TOX: variants seen among roughly 807,000 people sequenced by gnomAD.
TOX encodes thymocyte selection associated high mobility group box, also known as thymocyte selection-associated high mobility group box protein TOX.
Under a neutral mutation model 53.7 loss-of-function variants are expected in TOX, and 11 were observed. The observed-to-expected ratio is 0.20, with a 90% CI of 0.13 to 0.34. TOX has a LOEUF of 0.34. TOX is among the 10% of genes least tolerant of loss of function. TOX has a pLI of 1.00. For synonymous variants in TOX, 225 were observed against 245.3 expected (o/e 0.92, Z 0.77); for missense variants, 570 against 664.6 (o/e 0.86, Z 1.56).
At chr8:59,081,791 T>G (rs911944509) in intron 1 of TOX, among the ~76,000 whole-genome samples, 4 of 152,110 alleles carry the variant, frequency 2.6e-5, no homozygotes, top group Non-Finnish European at 5.9e-5. Flanking sequence ...GAATAACAGG[T>G]AACTCCATCC....
intron 2 of TOX, 147 bp downstream of exon 2, chr8:58,959,796 C>CTG (rs1479376223): frequency 1.1e-6 from 1 of 919,386 alleles, no homozygotes; most frequent in East Asian, 2.6e-5. Context: ...ATCTCATTAA[C>CTG]TGGAAACAAG....
intron 3 of TOX, among the ~76,000 whole-genome samples, chr8:58,863,385 C>T (rs187558838): frequency 1.0e-3 from 153 of 152,226 alleles, no homozygotes; most frequent in Admixed American, 1.4e-3. Flanking sequence ...ATACTAAGCA[C>T]GGTACTAAGA....
chr8:58,867,731 A>C (rs1371890941), intron 3 of TOX, among the ~76,000 whole-genome samples: 2 of 152,066 alleles, frequency 1.3e-5, no homozygotes, highest in Admixed American at 6.6e-5. Context: ...GTGTGAACCC[A>C]AGTTTGAGCA....
At chr8:59,090,886 T>G (rs993525624) in intron 1 of TOX, among the ~76,000 whole-genome samples, 3 of 152,164 alleles carry the variant, frequency 2.0e-5, no homozygotes, top group Non-Finnish European at 2.9e-5. Flanking sequence ...CTTACTTGCT[T>G]CCTGCCAGTT....
chr8:59,038,040 T>A (rs968706553), intron 1 of TOX, among the ~76,000 whole-genome samples: 1 of 152,126 alleles, frequency 6.6e-6, no homozygotes, highest in Non-Finnish European at 1.5e-5. Context: ...ATGCCAGACT[T>A]CCCTGTGGAA....
chr8:59,005,296 C>CCA (rs1171537331), intron 1 of TOX, among the ~76,000 whole-genome samples: 1 of 152,082 alleles, frequency 6.6e-6, no homozygotes, highest in Non-Finnish European at 1.5e-5. Context: ...CCTCGGCCTC[C>CCA]CAAAGTGCTG....
At chr8:58,840,525 T>C (rs1235799519) in intron 4 of TOX, among the ~76,000 whole-genome samples, 1 of 152,150 alleles carries the variant, frequency 6.6e-6, no homozygotes, top group African/African-American at 2.4e-5. Context: ...CTGGTCAGCT[T>C]TTAATACCCT....
chr8:58,818,582 T>TA (rs1810219961), intron 6 of TOX, among the ~76,000 whole-genome samples: 1 of 152,138 alleles, frequency 6.6e-6, no homozygotes, highest in African/African-American at 2.4e-5. Flanking sequence ...GCAAAATACA[T>TA]AAAAACACAA....
chr8:58,834,840 C>T (rs1426355747), intron 5 of TOX, among the ~76,000 whole-genome samples: 3 of 152,168 alleles, frequency 2.0e-5, no homozygotes, highest in Admixed American at 1.3e-4. Flanking sequence ...GCATAATCTG[C>T]AGCCTCACTC....
intron 1 of TOX, among the ~76,000 whole-genome samples, chr8:59,111,149 T>C (rs536871392): frequency 6.6e-6 from 1 of 151,960 alleles, no homozygotes; most frequent in East Asian, 1.9e-4. Flanking sequence ...GGAAACAGAG[T>C]GGGAGGGAAT....
intron 3 of TOX, among the ~76,000 whole-genome samples, chr8:58,879,158 A>G (rs1173394084): frequency 6.6e-6 from 1 of 152,098 alleles, no homozygotes; most frequent in East Asian, 1.9e-4. Flanking sequence ...TTCCATTAAG[A>G]CCTACATTCA....
intron 4 of TOX, among the ~76,000 whole-genome samples, chr8:58,839,036 G>A (rs1810598400): frequency 6.6e-6 from 1 of 152,052 alleles, no homozygotes; most frequent in Non-Finnish European, 1.5e-5. Flanking sequence ...AAAACCTCGG[G>A]GGCAGCATGC....
At chr8:58,850,722 C>A (rs927974250) in intron 4 of TOX, among the ~76,000 whole-genome samples, 1 of 152,184 alleles carries the variant, frequency 6.6e-6, no homozygotes, top group East Asian at 1.9e-4. Context: ...AAAATATAGT[C>A]AATGCAGCAA....
At chr8:59,045,034 C>A (rs1020679968) in intron 1 of TOX, among the ~76,000 whole-genome samples, 1 of 152,238 alleles carries the variant, frequency 6.6e-6, no homozygotes, top group African/African-American at 2.4e-5. Flanking sequence ...TGCACACTCA[C>A]CTTGTACAGA....
chr8:58,850,499 A>G (rs745408980), intron 4 of TOX, among the ~76,000 whole-genome samples: 6 of 152,198 alleles, frequency 3.9e-5, no homozygotes, highest in Non-Finnish European at 8.8e-5. Flanking sequence ...GTTGTCTGAC[A>G]CTTAGCCTAG....
At chr8:58,995,365 T>C (rs1156264890) in intron 1 of TOX, among the ~76,000 whole-genome samples, 1 of 152,236 alleles carries the variant, frequency 6.6e-6, no homozygotes, top group African/African-American at 2.4e-5. Context: ...GAATTTCTGC[T>C]TAGGAATCCC....
At chr8:59,083,812 T>C (rs774981297) in intron 1 of TOX, among the ~76,000 whole-genome samples, 1 of 152,178 alleles carries the variant, frequency 6.6e-6, no homozygotes, top group African/African-American at 2.4e-5. Flanking sequence ...CTGTAGAAAT[T>C]TCCTTTCACA....
At chr8:58,852,476 T>C (rs2129168308) in intron 3 of TOX, among the ~76,000 whole-genome samples, 1 of 152,326 alleles carries the variant, frequency 6.6e-6, no homozygotes, top group South Asian at 2.1e-4. Context: ...ATTAATCCAT[T>C]ATGCTATCTG....
At chr8:58,829,961 C>A (rs1214444043) in intron 5 of TOX, among the ~76,000 whole-genome samples, 1 of 152,140 alleles carries the variant, frequency 6.6e-6, no homozygotes, top group African/African-American at 2.4e-5. Flanking sequence ...AATGAACAAC[C>A]ACTGCCATGA....
Sources: allele counts gnomAD v4.1 joint callset (sites outside exome capture counted in the v4.1 genomes callset), GRCh38; gene constraint gnomAD v4.1.1; transcripts MANE v1.5; gene names NCBI Gene and HGNC (gene_info 2026-07-23, HGNC 2026-07-21).